CTNNA2: variants seen among roughly 807,000 people sequenced by gnomAD.
CTNNA2 encodes catenin alpha-2.
In CTNNA2, 42 loss-of-function variants were observed where a neutral mutation model predicts 101.0. That is an observed-to-expected ratio of 0.42 (90% CI 0.32 to 0.54). The LOEUF is 0.54. Ranked by LOEUF, CTNNA2 falls within the 20% of genes least tolerant of loss-of-function variation. CTNNA2 has a pLI of 0.14. For synonymous variants in CTNNA2, 450 were observed against 456.4 expected, an observed-to-expected ratio of 0.99 and a Z score of 0.18; for missense variants, 871 against 1,223.1, an observed-to-expected ratio of 0.71 and a Z score of 4.29.
At chr2:80,274,857 C>A (rs1673767762) in intron 7 of CTNNA2, among the ~76,000 whole-genome samples, 1 of 152,058 alleles carries the variant, frequency 6.6e-6, no homozygotes, top group African/African-American at 2.4e-5. Flanking sequence ...TTTACTGGTC[C>A]CTCTTCTAGG....
intron 4 of CTNNA2, among the ~76,000 whole-genome samples, chr2:79,470,673 T>C (rs756671989): frequency 6.6e-6 from 1 of 152,214 alleles, no homozygotes; most frequent in Non-Finnish European, 1.5e-5. Flanking sequence ...CACAGAATCA[T>C]AGATGAATCA....
chr2:79,563,184 TA>T (rs1297879438), intron 1 of CTNNA2, among the ~76,000 whole-genome samples: 17 of 59,158 alleles, frequency 2.9e-4, no homozygotes, highest in East Asian at 2.2e-3. Flanking sequence ...TATATATATA[TA>T]TATTTTCCTT....
chr2:80,129,140 G>C (rs1702284847), intron 7 of CTNNA2, among the ~76,000 whole-genome samples: 2 of 152,182 alleles, frequency 1.3e-5, no homozygotes, highest in Admixed American at 1.3e-4. Context: ...CATGATGTTT[G>C]GGAGAGCCTC....
At chr2:79,546,438 A>G (rs1296931000) in intron 1 of CTNNA2, among the ~76,000 whole-genome samples, 3 of 152,182 alleles carry the variant, frequency 2.0e-5, no homozygotes, top group Non-Finnish European at 4.4e-5. Flanking sequence ...AAAAGTATTT[A>G]CAATTGTATT....
chr2:79,497,170 G>T (rs1671265325), intron 4 of CTNNA2, among the ~76,000 whole-genome samples: 3 of 152,164 alleles, frequency 2.0e-5, no homozygotes, highest in African/African-American at 7.2e-5. Flanking sequence ...CATGGCAGGG[G>T]CCTGCAGGAG....
At chr2:80,493,668 A>T (rs546292716) in intron 9 of CTNNA2, among the ~76,000 whole-genome samples, 2 of 152,314 alleles carry the variant, frequency 1.3e-5, no homozygotes, top group South Asian at 4.1e-4. Flanking sequence ...TTTCCTTAGA[A>T]AGGACATCTA....
At position 79,916,833 on chromosome 2, in the gene CTNNA2, G is replaced by A. The variant is rs547247660; in HGVS notation, c.1056+7036G>A. On this transcript the variant is annotated intron_variant, in intron 7 of 18. Coordinates refer to ENST00000402739, the MANE Select transcript of CTNNA2 (RefSeq NM_001282597.3). Reference sequence around the variant, plus strand: ...GAGACGGGGTTTCACCCGTGTTAGCGAGGATGGTCTCGATCTCCTGACCTA... The same window carrying A: ...GAGACGGGGTTTCACCCGTGTTAGCAAGGATGGTCTCGATCTCCTGACCTA... 2.4e-3 allele frequency among the ~76,000 whole-genome samples: 370 copies of A among 151,920 alleles called. 9 individuals carry two copies. Among genetic ancestry groups the A allele is most frequent in the Admixed American group, 0.022 (340 of 15,266 alleles).
At chr2:80,390,000 A>G (rs1436348195) in intron 7 of CTNNA2, among the ~76,000 whole-genome samples, 1 of 152,218 alleles carries the variant, frequency 6.6e-6, no homozygotes, top group South Asian at 2.1e-4. Context: ...TAATCACACT[A>G]TAAAGAAGCT....
intron 4 of CTNNA2, among the ~76,000 whole-genome samples, chr2:79,424,387 A>G (rs1678571177): frequency 1.3e-5 from 2 of 152,146 alleles, no homozygotes; most frequent in African/African-American, 4.8e-5. Context: ...TATGAGGCCC[A>G]TAATTGAACA....
At chr2:80,318,230 T>A (rs1346808828) in intron 7 of CTNNA2, among the ~76,000 whole-genome samples, 1 of 152,214 alleles carries the variant, frequency 6.6e-6, no homozygotes, top group Non-Finnish European at 1.5e-5. Flanking sequence ...GAAGTCCATA[T>A]TAATCCCCTC....
intron 1 of CTNNA2, among the ~76,000 whole-genome samples, chr2:79,633,390 T>A (rs976689349): frequency 6.6e-6 from 1 of 152,182 alleles, no homozygotes; most frequent in African/African-American, 2.4e-5. Flanking sequence ...TATCACATCT[T>A]GTTTGGCTGC....
chr2:80,538,796 A>C (rs1326439526), intron 9 of CTNNA2, among the ~76,000 whole-genome samples: 1 of 152,170 alleles, frequency 6.6e-6, no homozygotes, highest in African/African-American at 2.4e-5. Context: ...ATAGCATTGA[A>C]TCTATAAGTT....
chr2:79,215,062 CG>C (rs894757264), intron 2 of CTNNA2, among the ~76,000 whole-genome samples: 4 of 152,122 alleles, frequency 2.6e-5, no homozygotes, highest in African/African-American at 9.7e-5. Flanking sequence ...CTGAGGCGAT[CG>C]GGCAGCGTCA....
At chr2:79,545,231 A>G (rs181470215) in intron 1 of CTNNA2, among the ~76,000 whole-genome samples, 1 of 152,256 alleles carries the variant, frequency 6.6e-6, no homozygotes, top group East Asian at 1.9e-4. Flanking sequence ...CCAGTGAAGG[A>G]GGAGCTGAGT....
intron 1 of CTNNA2, among the ~76,000 whole-genome samples, chr2:79,194,782 G>A (rs921851701): frequency 2.0e-5 from 3 of 152,096 alleles, no homozygotes; most frequent in Admixed American, 6.5e-5. Context: ...AATTTGAGTG[G>A]TTCACAAAAA....
intron 4 of CTNNA2, among the ~76,000 whole-genome samples, chr2:79,376,238 AAG>A (rs1677973252): frequency 1.3e-5 from 2 of 152,128 alleles, no homozygotes; most frequent in Non-Finnish European, 2.9e-5. Flanking sequence ...CCAAGGAAAA[AAG>A]AGCATTACAA....
intron 6 of CTNNA2, among the ~76,000 whole-genome samples, chr2:79,875,311 A>G (rs1682931659): frequency 6.6e-6 from 1 of 152,190 alleles, no homozygotes; most frequent in South Asian, 2.1e-4. Context: ...TTATCTTATG[A>G]TCAATGAAAG....
chr2:80,356,036 G>T (rs1673763103), intron 7 of CTNNA2, among the ~76,000 whole-genome samples: 1 of 151,844 alleles, frequency 6.6e-6, no homozygotes, highest in African/African-American at 2.4e-5. Context: ...TGGCAACTCT[G>T]TTATGTCAAT....
rs566839640 is a variant in CTNNA2, at chr2:80,503,225, C to A, written c.1291-41757C>A. 2.0e-5 allele frequency among the ~76,000 whole-genome samples: 3 copies of A among 151,978 alleles called. No homozygotes were observed. The South Asian group carries it at 6.2e-4, about 32-fold the overall frequency. On this transcript the variant is annotated intron_variant, in intron 9 of 18. Coordinates refer to ENST00000402739, the MANE Select transcript of CTNNA2 (RefSeq NM_001282597.3). The stretch of plus-strand genomic sequence containing the variant: ...GAAAGAAATTCTACCAATTGCAAAA[C>A]GTTAGGCTTTAGAAATCTTTCAATC...
Sources: allele counts gnomAD v4.1 joint callset (sites outside exome capture counted in the v4.1 genomes callset), GRCh38; gene constraint gnomAD v4.1.1; transcripts MANE v1.5; gene names NCBI Gene and HGNC (gene_info 2026-07-23, HGNC 2026-07-21).